Variants in ADARB2 observed in about 807,000 individuals in gnomAD.
ADARB2 encodes adenosine deaminase RNA specific B2 (inactive).
ADARB2 carries 25 observed loss-of-function variants against 62.2 expected under a neutral mutation model. That is an observed-to-expected ratio of 0.40 (90% CI 0.29 to 0.56). ADARB2 has a LOEUF of 0.56. ADARB2 is among the 20% of genes least tolerant of loss of function. The pLI, the probability that ADARB2 is intolerant of heterozygous loss-of-function variation, is 0.43. For missense variants in ADARB2, 1,071 were observed against 1,077.4 expected, an observed-to-expected ratio of 0.99 and a Z score of 0.08; for synonymous variants, 572 against 500.8, an observed-to-expected ratio of 1.14 and a Z score of -1.90.
rs112426745 is a variant in ADARB2, at chr10:1,353,719, C to G, written c.1077+9309G>C. 6.5e-3 allele frequency among the ~76,000 whole-genome samples: 983 copies of G among 152,132 alleles called. 15 individuals carry two copies. The highest frequency in any genetic ancestry group is 0.022 in the African/African-American group (922 of 41,474). ...GTAACCTTTCACCTTCTCGATGTTC[C>G]TTTCCTCCTCATCTCCAAAGCCCAA... On this transcript the variant is annotated intron_variant, in intron 3 of 9. Coordinates refer to ENST00000381312, the MANE Select transcript of ADARB2 (RefSeq NM_018702.4).
intron 1 of ADARB2, among the ~76,000 whole-genome samples, chr10:1,734,878 TCAC>T (rs1835280926): frequency 6.6e-6 from 1 of 152,238 alleles, no homozygotes; most frequent in South Asian, 2.1e-4. Context: ...TAATTTAAAC[TCAC>T]CATTGTTTTT....
At chr10:1,440,027 A>G (rs906369070) in intron 1 of ADARB2, among the ~76,000 whole-genome samples, 3 of 145,634 alleles carry the variant, frequency 2.1e-5, no homozygotes, top group Non-Finnish European at 4.5e-5. Context: ...GTCCTTCATG[A>G]TGGGGCTCCT....
intron 1 of ADARB2, among the ~76,000 whole-genome samples, chr10:1,402,471 A>C (rs1298554653): frequency 6.6e-6 from 1 of 152,190 alleles, no homozygotes; most frequent in Non-Finnish European, 1.5e-5. Context: ...AAAGGAAGCC[A>C]CTTAGCTCAC....
rs894144059 is a variant in ADARB2 at position 1,627,814 on chromosome 10, C to T, written c.100+109237G>A. ...TCTAATATACAAAATCAAATAAAAC[C>T]GAGACACAGCCTCGTAGAGATCACC... On this transcript the variant is annotated intron_variant, in intron 1 of 9. Coordinates refer to ENST00000381312, the MANE Select transcript of ADARB2 (RefSeq NM_018702.4). 3.9e-5 allele frequency among the ~76,000 whole-genome samples: 6 copies of T among 152,232 alleles called. No individual in the cohort carries two copies. In the East Asian group the frequency reaches 5.8e-4, roughly 15 times the overall value.
At chr10:1,717,529 T>A (rs1835035548) in intron 1 of ADARB2, among the ~76,000 whole-genome samples, 1 of 123,074 alleles carries the variant, frequency 8.1e-6, no homozygotes, top group Admixed American at 1.0e-4. Context: ...CTTTCCTTTC[T>A]TTCCTTCCTT....
rs535971900 is a variant in ADARB2 at position 1,671,944 on chromosome 10, C to T, written c.100+65107G>A. ...CCCTTTCTCACTGGCTGTCTTTCGG[C>T]AACATACTTGCTCTTGATTCACATG... On this transcript the variant is annotated intron_variant, in intron 1 of 9. Transcript: ENST00000381312. 3.3e-5 allele frequency among the ~76,000 whole-genome samples: 5 copies of T among 152,248 alleles called. No homozygotes were observed. In the South Asian group the frequency reaches 1.0e-3, roughly 32 times the overall value.
intron 1 of ADARB2, among the ~76,000 whole-genome samples, chr10:1,684,677 C>G (rs894424393): frequency 4.7e-4 from 71 of 152,296 alleles, no homozygotes; most frequent in African/African-American, 1.6e-3. Context: ...TTGTAAACCC[C>G]AAACTGTTGT....
At chr10:1,441,215 T>TG (rs1830901142) in intron 1 of ADARB2, among the ~76,000 whole-genome samples, 3 of 152,202 alleles carry the variant, frequency 2.0e-5, no homozygotes, top group Non-Finnish European at 2.9e-5. Flanking sequence ...CTAGATTCCT[T>TG]GGGAAAAAAA....
chr10:1,526,704 T>G (rs1832149671), intron 1 of ADARB2: 2 of 315,662 alleles, frequency 6.3e-6, no homozygotes, highest in Non-Finnish European at 1.4e-5. Context: ...GCACAAACCT[T>G]TCTTCCTCAT....
intron 1 of ADARB2, among the ~76,000 whole-genome samples, chr10:1,540,349 C>G (rs1832400481): frequency 6.6e-6 from 1 of 152,120 alleles, no homozygotes; most frequent in African/African-American, 2.4e-5. Flanking sequence ...CAGGCAACAG[C>G]CCCCGCCCTC....
At chr10:1,210,018 C>G (rs555266680) in intron 7 of ADARB2, among the ~76,000 whole-genome samples, 1 of 151,304 alleles carries the variant, frequency 6.6e-6, no homozygotes, top group Non-Finnish European at 1.5e-5. Context: ...TCATGGAATT[C>G]CGTACCCAGA....
At chr10:1,438,294 A>G (rs72762985) in intron 1 of ADARB2, among the ~76,000 whole-genome samples, 11,466 of 147,488 alleles carry the variant, frequency 0.078, 545 homozygotes, top group Non-Finnish European at 0.11. Flanking sequence ...CAGGTCCTTC[A>G]TCATGGGGCT....
At chr10:1,530,203 G>A (rs1832212250) in intron 1 of ADARB2, among the ~76,000 whole-genome samples, 1 of 152,220 alleles carries the variant, frequency 6.6e-6, no homozygotes, top group Admixed American at 6.5e-5. Flanking sequence ...GGGATGTGGA[G>A]CATGCAGCCG....
intron 3 of ADARB2, among the ~76,000 whole-genome samples, chr10:1,298,720 ATTTTTTTTTTTTTTTTTT>A (rs75978268): frequency 4.8e-3 from 526 of 110,466 alleles, no homozygotes; most frequent in African/African-American, 0.012. Flanking sequence ...TGCGACGGGA[ATTTTTTTTTTTTTTTTTT>A]TTTTTTTTTT....
At chr10:1,706,070 A>C (rs113340367) in intron 1 of ADARB2, among the ~76,000 whole-genome samples, 1,880 of 152,340 alleles carry the variant, frequency 0.012, 40 homozygotes, top group African/African-American at 0.043. Flanking sequence ...GTGGAGCTGC[A>C]GTGAATGACG....
chr10:1,560,382 C>T (rs1285263752), intron 1 of ADARB2, among the ~76,000 whole-genome samples: 7 of 152,196 alleles, frequency 4.6e-5, no homozygotes, highest in South Asian at 2.1e-4. Context: ...GAAAATCAGA[C>T]GAGAAGGATG....
chr10:1,191,987 G>T (rs1836851729), intron 8 of ADARB2, among the ~76,000 whole-genome samples: 1 of 152,094 alleles, frequency 6.6e-6, no homozygotes. Flanking sequence ...ACCATTACTA[G>T]GACCGGTGGG....
At chr10:1,345,655 T>C (rs543614722) in intron 3 of ADARB2, among the ~76,000 whole-genome samples, 7 of 152,170 alleles carry the variant, frequency 4.6e-5, no homozygotes, top group Non-Finnish European at 8.8e-5. Context: ...GTGACTCTGA[T>C]AGTGAGGACA....
In ADARB2 at chr10:1,183,377, C is replaced by G. The variant is rs551088797; in HGVS notation, c.2044-8G>C. On this transcript the variant is annotated splice_region_variant and splice_polypyrimidine_tract_variant and intron_variant, in intron 9 of 9. Transcript: ENST00000381312. ...GGGTGTCCGTGTGCTCAGCTGCGGA[C>G]AAGAAGGAGAAAGAGCCAATCAGAC... 7.5e-6 allele frequency: 12 copies of G among 1,605,630 alleles called. No individual in the cohort carries two copies. The highest frequency in any genetic ancestry group is 1.0e-5 in the Non-Finnish European group (12 of 1,172,964).
Sources: allele counts gnomAD v4.1 joint callset (sites outside exome capture counted in the v4.1 genomes callset), GRCh38; gene constraint gnomAD v4.1.1; transcripts MANE v1.5; gene names NCBI Gene and HGNC (gene_info 2026-07-23, HGNC 2026-07-21).